The following RBM6 variants were observed in gnomAD, a reference collection of about 807,000 sequenced individuals.
RBM6 encodes RNA binding motif protein 6, also known as RNA-binding protein 6.
RBM6 carries 23 observed loss-of-function variants against 140.4 expected under a neutral mutation model. The ratio of observed to expected loss-of-function variants is 0.16; its 90% CI spans 0.12 to 0.23. The LOEUF (loss-of-function observed/expected upper bound fraction) is 0.23, where lower values mean the gene tolerates loss of function less well. Among genes scored for constraint, RBM6 ranks in the 10% least tolerant of loss-of-function variants. The pLI is 1.00. For missense variants in RBM6, 1,139 were observed against 1,386.7 expected (o/e 0.82, Z 2.84); for synonymous variants, 439 against 475.6 (o/e 0.92, Z 1.00).
chr3:49,982,524 C>T (rs1299109033), intron 5 of RBM6, among the ~76,000 whole-genome samples: 4 of 152,058 alleles, frequency 2.6e-5, no homozygotes, highest in African/African-American at 4.8e-5. Flanking sequence ...AAGCGATTCT[C>T]CTGCCTCAGT....
At chr3:49,950,761 A>G (rs990795746) in intron 1 of RBM6, among the ~76,000 whole-genome samples, 1 of 152,096 alleles carries the variant, frequency 6.6e-6, no homozygotes, top group Admixed American at 6.6e-5. Flanking sequence ...TCAAAAAAAA[A>G]AAACAGAAAG....
chr3:49,968,596 C>G lies in RBM6; in HGVS notation c.1171C>G (p.Leu391Val), dbSNP rs367745768. 5.0e-6 allele frequency: 8 copies of G among 1,613,962 alleles called. No homozygotes were observed. The highest frequency in any genetic ancestry group is 3.3e-5 in the Admixed American group (2 of 59,964). Reference sequence around the variant, plus strand: ...TGGTCTGTTTAAAGAAGAAGGCGGTCTGGACTTTCTTGGGCGGCAAGACAC... The same window carrying G: ...TGGTCTGTTTAAAGAAGAAGGCGGTGTGGACTTTCTTGGGCGGCAAGACAC... ...DAGLFKEEGG[L>V]DFLGRQDTDY... The change falls in exon 3 of 21, where the codon CTG (leucine) becomes GTG (valine). Residue 391 changes from leucine (L) to valine (V), a missense_variant. By Grantham distance (32) the Leu-to-Val change is conservative. Coordinates refer to ENST00000266022, the MANE Select transcript of RBM6 (RefSeq NM_005777.3).
chr3:50,040,632 G>C (rs1475915360), intron 6 of RBM6, among the ~76,000 whole-genome samples: 1 of 150,114 alleles, frequency 6.7e-6, no homozygotes, highest in African/African-American at 2.5e-5. Flanking sequence ...GTCTGGCTTG[G>C]AGTGTATTGT....
intron 19 of RBM6, among the ~76,000 whole-genome samples, chr3:50,072,849 G>C (rs1358470461): frequency 6.6e-6 from 1 of 152,166 alleles, no homozygotes; most frequent in African/African-American, 2.4e-5. Context: ...ACAAGGCTTA[G>C]GTGGGGTGCG....
At chr3:50,074,675 C>T (rs1249967250) in intron 19 of RBM6, among the ~76,000 whole-genome samples, 1 of 152,172 alleles carries the variant, frequency 6.6e-6, no homozygotes, top group Non-Finnish European at 1.5e-5. Context: ...CATCTCTTGA[C>T]ATAATGTTTG....
intron 6 of RBM6, among the ~76,000 whole-genome samples, chr3:50,039,775 C>T (rs2088771262): frequency 6.6e-6 from 1 of 152,120 alleles, no homozygotes; most frequent in Admixed American, 6.6e-5. Context: ...TTGTTGAATG[C>T]CCTGTCTGCC....
chr3:49,968,711 A>G lies in RBM6; in HGVS notation c.1286A>G (p.Glu429Gly), dbSNP rs775685235. 16 of 1,549,700 alleles carry G rather than the reference A, an allele frequency of 1.0e-5. No homozygotes were observed. Among genetic ancestry groups the G allele is most frequent in the South Asian group, 8.9e-5 (8 of 89,832 alleles). ...TATGGCCAGAGCAAGTCTTTTCCAG[A>G]GGGCAAAACTGCCCGAGATGCCCAA... ...FGYGQSKSFP[E>G]GKTARDAQRD... is the part of the protein sequence containing the mutation. Residue 429 changes from glutamate (E) to glycine (G), a missense_variant, in exon 3 of 21, where the codon GAG becomes GGG. Glu to Gly is a moderately conservative substitution (Grantham distance 98). This residue lies in a region of RBM6 where 566 missense variants were observed against 612.7 expected (regional missense o/e 0.92). Transcript: ENST00000266022.
intron 5 of RBM6, among the ~76,000 whole-genome samples, chr3:49,988,061 T>C (rs1024797611): frequency 2.0e-5 from 3 of 152,232 alleles, no homozygotes; most frequent in African/African-American, 7.2e-5. Flanking sequence ...TGGTGTTATA[T>C]CATTTGTGGG....
At chr3:49,988,806 C>T (rs902459095) in intron 5 of RBM6, among the ~76,000 whole-genome samples, 2 of 151,898 alleles carry the variant, frequency 1.3e-5, no homozygotes, top group African/African-American at 2.4e-5. Flanking sequence ...CCCATCTCTG[C>T]CAAAAATAAG....
intron 6 of RBM6, among the ~76,000 whole-genome samples, chr3:50,028,987 C>T (rs1367833645): frequency 2.0e-5 from 3 of 152,114 alleles, no homozygotes; most frequent in Non-Finnish European, 4.4e-5. Flanking sequence ...TACTATTTCT[C>T]CTTTGATGGA....
At position 50,034,873 on chromosome 3, in the gene RBM6, A is replaced by G. The variant is rs142016390; in HGVS notation, c.1558-13372A>G. Among the ~76,000 whole-genome samples the G allele has an allele frequency of 5.3e-3, 802 of 152,328 alleles. 4 individuals carry two copies. The highest frequency in any genetic ancestry group is 0.024 in the Middle Eastern group (7 of 294). On this transcript the variant is annotated intron_variant, in intron 6 of 20. Transcript: ENST00000266022. The stretch of plus-strand genomic sequence containing the variant: ...TCCTTCTAAGGAACAGTACTGATAT[A>G]TCATGGCTAAAGAAGCAGGCTCAGC...
chr3:49,997,032 T>A (rs1361484696), intron 5 of RBM6, among the ~76,000 whole-genome samples: 3 of 152,206 alleles, frequency 2.0e-5, no homozygotes, highest in Non-Finnish European at 2.9e-5. Flanking sequence ...ATTAAATCAG[T>A]ATATACAAAG....
In RBM6 at chr3:50,066,327, C is replaced by T; in HGVS notation, c.2768C>T (p.Thr923Ile). 1.2e-6 allele frequency: 2 copies of T among 1,614,086 alleles called. No homozygotes were observed. The highest frequency in any genetic ancestry group is 1.7e-6 in the Non-Finnish European group (2 of 1,180,018). ...DYEEEEEEEQ[T>I]PPPQPRTAQP... is the part of the protein sequence containing the mutation. ...GAGGAGGAAGAAGAGGAGGAACAGA[C>T]CCCTCCCCCACAGCCCCGCACAGCA... Residue 923 changes from threonine (T) to isoleucine (I), a missense_variant, in exon 17 of 21, where the codon ACC becomes ATC. Thr to Ile is a moderately conservative substitution (Grantham distance 89, BLOSUM62 -1). This residue lies in a region of RBM6 where 23 missense variants were observed against 19.2 expected (regional missense o/e 1.20). Coordinates refer to ENST00000266022, the MANE Select transcript of RBM6 (RefSeq NM_005777.3).
chr3:49,956,160 G>T (rs191476155), intron 1 of RBM6, among the ~76,000 whole-genome samples: 8 of 151,688 alleles, frequency 5.3e-5, no homozygotes, highest in Non-Finnish European at 1.2e-4. Flanking sequence ...GTAGCTGGTA[G>T]TATAGGTGTG....
At chr3:50,024,096 A>G (rs1326943721) in intron 6 of RBM6, among the ~76,000 whole-genome samples, 3 of 152,222 alleles carry the variant, frequency 2.0e-5, no homozygotes, top group Non-Finnish European at 2.9e-5. Flanking sequence ...AAAGTAGTTT[A>G]TCTTAAACAA....
chr3:50,012,545 G>T (rs1169488813), intron 6 of RBM6, among the ~76,000 whole-genome samples: 1 of 151,246 alleles, frequency 6.6e-6, no homozygotes, highest in African/African-American at 2.4e-5. Context: ...TTGTAGTAGA[G>T]ACGGGGTTTC....
chr3:50,011,221 T>TAAA (rs879356799), intron 6 of RBM6, among the ~76,000 whole-genome samples: 1 of 144,206 alleles, frequency 6.9e-6, no homozygotes, highest in Admixed American at 7.0e-5. Flanking sequence ...CCTTGTCTCT[T>TAAA]AAAAAAAAAA....
intron 6 of RBM6, among the ~76,000 whole-genome samples, chr3:50,007,236 T>C (rs1393005721): frequency 2.0e-5 from 3 of 148,578 alleles, no homozygotes; most frequent in Admixed American, 6.8e-5. Flanking sequence ...TCATTCTGTC[T>C]CCTAGGCTGG....
At chr3:50,059,359 A>T (rs750329812) in intron 10 of RBM6, 7 of 209,890 alleles carry the variant, frequency 3.3e-5, no homozygotes, top group Non-Finnish European at 6.6e-5. Flanking sequence ...GGGACTTTGT[A>T]AACTGAATCT....
Sources: allele counts gnomAD v4.1 joint callset (sites outside exome capture counted in the v4.1 genomes callset), GRCh38; gene constraint gnomAD v4.1.1; regional missense constraint gnomAD v4.1.1; transcripts MANE v1.5; gene names NCBI Gene and HGNC (gene_info 2026-07-23, HGNC 2026-07-21).